Variants in AGAP1 observed in about 807,000 individuals in gnomAD.
AGAP1 encodes arf-GAP with GTPase, ANK repeat and PH domain-containing protein 1.
A neutral mutation model predicts 105.3 loss-of-function variants in AGAP1; 29 were observed. That is an observed-to-expected ratio of 0.28 (90% CI 0.21 to 0.38). The LOEUF (loss-of-function observed/expected upper bound fraction) is 0.38. Among genes scored for constraint, AGAP1 ranks in the 10% least tolerant of loss-of-function variants. AGAP1 has a pLI of 1.00. For missense variants in AGAP1, 998 were observed against 1,165.1 expected (o/e 0.86, Z 2.09); for synonymous variants, 509 against 485.9 (o/e 1.05, Z -0.63).
intron 1 of AGAP1, among the ~76,000 whole-genome samples, chr2:235,667,282 C>T (rs911632717): frequency 6.6e-6 from 1 of 152,024 alleles, no homozygotes; most frequent in Non-Finnish European, 1.5e-5. Flanking sequence ...AATATATATT[C>T]GATGAATAAA....
intron 9 of AGAP1, among the ~76,000 whole-genome samples, chr2:235,826,952 G>A (rs554811255): frequency 6.7e-4 from 102 of 152,186 alleles, no homozygotes; most frequent in Non-Finnish European, 1.1e-3. Context: ...TTAGAGAAAA[G>A]TACCTGCACT....
At chr2:235,718,767 T>C (rs1376162839) in intron 3 of AGAP1, among the ~76,000 whole-genome samples, 2 of 152,144 alleles carry the variant, frequency 1.3e-5, no homozygotes, top group Non-Finnish European at 1.5e-5. Flanking sequence ...AATGATGATC[T>C]AGGAAGATTA....
intron 6 of AGAP1, among the ~76,000 whole-genome samples, chr2:235,761,921 C>T (rs919844852): frequency 2.0e-5 from 3 of 151,896 alleles, no homozygotes; most frequent in African/African-American, 7.3e-5. Flanking sequence ...ACCAGCCTGG[C>T]CAACATGGTG....
In AGAP1 at chr2:235,686,644, TAGATATATATATATATATA is replaced by T. The variant is rs1381121048; in HGVS notation, c.164-22534_164-22516del. 1.7e-3 allele frequency among the ~76,000 whole-genome samples: 86 copies of T among 51,802 alleles called. 1 individual carries two copies. The highest frequency in any genetic ancestry group is 0.01 in the Middle Eastern group (1 of 96). The allele number at this position is 51,802 out of a possible 152,430, so 34.0% of individuals were successfully genotyped here. A position where few individuals can be genotyped will look rare whatever the true frequency, so the allele number is the denominator to read the frequency against. ...AGATATATATATATATATATATATA[TAGATATATATATATATATA>T]TATTTTTTTTTTTTTTTAGACAGAG... is the stretch of plus-strand genomic sequence containing the variant. On this transcript the variant is annotated intron_variant, in intron 1 of 17. Coordinates refer to ENST00000304032, the MANE Select transcript of AGAP1 (RefSeq NM_001037131.3).
chr2:235,703,468 TC>T (rs1950358300), intron 1 of AGAP1, among the ~76,000 whole-genome samples: 1 of 152,048 alleles, frequency 6.6e-6, no homozygotes, highest in South Asian at 2.1e-4. Context: ...TTGGGCCCTT[TC>T]CCAGGCATCC....
At chr2:235,782,467 G>A (rs1244590557) in intron 6 of AGAP1, among the ~76,000 whole-genome samples, 1 of 152,166 alleles carries the variant, frequency 6.6e-6, no homozygotes, top group Non-Finnish European at 1.5e-5. Context: ...GTATTTGAGT[G>A]TCCACAGTGA....
Position 235,971,483 on chromosome 2 carries a change from G to A in AGAP1, c.1645+2860G>A, listed in dbSNP as rs1454689810. 6.6e-6 allele frequency among the ~76,000 whole-genome samples: 1 copy of A among 152,086 alleles called. No homozygotes were observed. The highest frequency in any genetic ancestry group is 1.5e-5 in the Non-Finnish European group (1 of 68,018). ...TGGGAGGCTGAGGCGGGCGGATCAC[G>A]AGGTCAGGAGATCGAGACCATCCTG... On this transcript the variant is annotated intron_variant, in intron 13 of 17. Coordinates refer to ENST00000304032, the MANE Select transcript of AGAP1 (RefSeq NM_001037131.3). The surrounding 1 kb of genome is among the most constrained non-coding windows in gnomAD (Gnocchi z 4.8).
chr2:236,008,220 C>G (rs888510400), intron 13 of AGAP1, among the ~76,000 whole-genome samples: 2 of 152,146 alleles, frequency 1.3e-5, no homozygotes, highest in Non-Finnish European at 2.9e-5. Flanking sequence ...GGGGCCCAAC[C>G]ACACCCAAGG....
chr2:235,869,057 A>G (rs1349763647), intron 9 of AGAP1, among the ~76,000 whole-genome samples: 2 of 152,220 alleles, frequency 1.3e-5, no homozygotes, highest in African/African-American at 4.8e-5. Context: ...TGCCATTTCC[A>G]AGTAACATAA....
intron 11 of AGAP1, among the ~76,000 whole-genome samples, chr2:235,917,340 A>G (rs1027571000): frequency 6.6e-6 from 1 of 152,164 alleles, no homozygotes; most frequent in Non-Finnish European, 1.5e-5. Context: ...ACACTTCAGC[A>G]ATCAGGACAT....
intron 13 of AGAP1, among the ~76,000 whole-genome samples, chr2:235,972,625 C>T (rs1342299977): frequency 1.3e-5 from 2 of 152,164 alleles, no homozygotes; most frequent in Non-Finnish European, 2.9e-5. Flanking sequence ...TCACTCTTCT[C>T]CCTCCCACTG....
In AGAP1 at chr2:235,631,401, GGCGGGA is replaced by G. The variant is rs1946826649; in HGVS notation, c.164-77776_164-77771del. ...CGAGCTAGCCAAGGAGAGGCCACGA[GGCGGGA>G]GAGCCAAGGAGGACAGCCTCCGGGT... On this transcript the variant is annotated intron_variant, in intron 1 of 17. Transcript: ENST00000304032. The surrounding 1 kb of genome is among the most constrained non-coding windows in gnomAD (Gnocchi z 5.4). Among the ~76,000 whole-genome samples, 1 of 152,212 alleles carries G rather than the reference GGCGGGA, an allele frequency of 6.6e-6. No individual in the cohort carries two copies. Among genetic ancestry groups the G allele is most frequent in the Non-Finnish European group, 1.5e-5 (1 of 68,040 alleles).
intron 3 of AGAP1, among the ~76,000 whole-genome samples, chr2:235,730,956 T>G (rs1951913808): frequency 6.6e-6 from 1 of 152,148 alleles, no homozygotes; most frequent in African/African-American, 2.4e-5. Context: ...TGAGCCTGCC[T>G]GCAGCTTACC....
In AGAP1 at chr2:235,576,686, G is replaced by T. The variant is rs576993379; in HGVS notation, c.163+81837G>T. On this transcript the variant is annotated intron_variant, in intron 1 of 17. Coordinates refer to ENST00000304032, the MANE Select transcript of AGAP1 (RefSeq NM_001037131.3). ...AGAAGGTGGAACTCTAGAGAGGAGG[G>T]GGATGCCTTGGCCTGGGCCCCCTCT... is the stretch of plus-strand genomic sequence containing the variant. Among the ~76,000 whole-genome samples the T allele has an allele frequency of 5.9e-5, 9 of 152,346 alleles. No homozygotes were observed. In the East Asian group the frequency reaches 1.7e-3, roughly 29 times the overall value.
rs1279382836 is a variant in AGAP1, at chr2:235,887,347, G to T, written c.1155+3898G>T. Among the ~76,000 whole-genome samples, 1 of 152,178 alleles carries T rather than the reference G, an allele frequency of 6.6e-6. No homozygotes were observed. Among genetic ancestry groups the T allele is most frequent in the Non-Finnish European group, 1.5e-5 (1 of 68,032 alleles). ...ATTACTGACCACAGCGTGAAGTGGGGCCTCTCCCTGGTAACACCCTATTGT... is the reference window on the plus strand; with the variant it reads ...ATTACTGACCACAGCGTGAAGTGGGTCCTCTCCCTGGTAACACCCTATTGT... On this transcript the variant is annotated intron_variant, in intron 10 of 17. Coordinates refer to ENST00000304032, the MANE Select transcript of AGAP1 (RefSeq NM_001037131.3). This position sits in a 1 kb window ranked among gnomAD's most constrained non-coding sequence, Gnocchi z 4.1.
In AGAP1 at chr2:235,642,988, G is replaced by T. The variant is rs1288510562; in HGVS notation, c.164-66191G>T. On this transcript the variant is annotated intron_variant, in intron 1 of 17. Transcript: ENST00000304032. The surrounding 1 kb of genome is among the most constrained non-coding windows in gnomAD (Gnocchi z 4.1). ...AACGGTGGAGGTGACTGTAGGATTA[G>T]CCCCGGCTTTGCAGCAGGTTTTCTT... is the stretch of plus-strand genomic sequence containing the variant. 6.6e-6 allele frequency among the ~76,000 whole-genome samples: 1 copy of T among 152,136 alleles called. No individual in the cohort carries two copies. Among genetic ancestry groups the T allele is most frequent in the Non-Finnish European group, 1.5e-5 (1 of 68,034 alleles).
At chr2:235,868,868 T>C (rs2049306014) in intron 9 of AGAP1, among the ~76,000 whole-genome samples, 1 of 152,156 alleles carries the variant, frequency 6.6e-6, no homozygotes, top group South Asian at 2.1e-4. Flanking sequence ...AGAATACACA[T>C]GACGAATAAA....
Position 235,517,607 on chromosome 2 carries a change from T to C in AGAP1, c.163+22758T>C, listed in dbSNP as rs1293147288. On this transcript the variant is annotated intron_variant, in intron 1 of 17. Coordinates refer to ENST00000304032, the MANE Select transcript of AGAP1 (RefSeq NM_001037131.3). The surrounding 1 kb of genome is among the most constrained non-coding windows in gnomAD (Gnocchi z 4.1). ...AGATCAAAGTCATGTTTTTAAAATA[T>C]AAACTAGATTATGAAAAAAATTAAA... Among the ~76,000 whole-genome samples, 1 of 152,122 alleles carries C rather than the reference T, an allele frequency of 6.6e-6. No homozygotes were observed. Among genetic ancestry groups the C allele is most frequent in the African/African-American group, 2.4e-5 (1 of 41,424 alleles).
rs1006002885 is a variant in AGAP1 at position 235,600,183 on chromosome 2, C to T, written c.163+105334C>T. ...CCAAAAAGCCGACACTGGAAATATT[C>T]TGTAGCTCATCTGGCAGCAGGGCCA... On this transcript the variant is annotated intron_variant, in intron 1 of 17. Coordinates refer to ENST00000304032, the MANE Select transcript of AGAP1 (RefSeq NM_001037131.3). This position sits in a 1 kb window ranked among gnomAD's most constrained non-coding sequence, Gnocchi z 4.8. 1.3e-5 allele frequency among the ~76,000 whole-genome samples: 2 copies of T among 152,226 alleles called. No homozygotes were observed. Among genetic ancestry groups the T allele is most frequent in the African/African-American group, 4.8e-5 (2 of 41,448 alleles).
Sources: gnomAD v4.1 joint callset for allele counts (sites outside exome capture counted in the v4.1 genomes callset) on GRCh38, gnomAD v4.1.1 for gene constraint, Gnocchi (gnomAD v3.1) non-coding constraint, MANE v1.5 for transcripts, NCBI Gene and HGNC (gene_info 2026-07-23, HGNC 2026-07-21) for gene names.